The following MBOAT2 variants were observed in gnomAD, a reference collection of about 807,000 sequenced individuals.
MBOAT2 encodes membrane bound glycerophospholipid O-acyltransferase 2, also known as membrane-bound glycerophospholipid O-acyltransferase 2.
Under a neutral mutation model 63.4 loss-of-function variants are expected in MBOAT2, and 28 were observed. That is an observed-to-expected ratio of 0.44 (90% CI 0.33 to 0.61). The LOEUF (loss-of-function observed/expected upper bound fraction) is 0.61. MBOAT2 is among the 20% of genes least tolerant of loss of function. MBOAT2 has a pLI of 0.03. For missense variants in MBOAT2, 470 were observed against 605.8 expected, an observed-to-expected ratio of 0.78 and a Z score of 2.35; for synonymous variants, 211 against 215.6, an observed-to-expected ratio of 0.98 and a Z score of 0.19.
intron 4 of MBOAT2, among the ~76,000 whole-genome samples, chr2:8,891,472 A>G (rs1663995802): frequency 6.6e-6 from 1 of 152,212 alleles, no homozygotes; most frequent in African/African-American, 2.4e-5. Flanking sequence ...AAGCATTTAC[A>G]ACAAAAACAG....
intron 3 of MBOAT2, among the ~76,000 whole-genome samples, chr2:8,932,237 T>A (rs1315932085): frequency 6.6e-6 from 1 of 152,206 alleles, no homozygotes; most frequent in Non-Finnish European, 1.5e-5. Context: ...TTAAAGTCTA[T>A]GTTTATTAGT....
chr2:8,949,518 C>A (rs1347626267), intron 2 of MBOAT2, among the ~76,000 whole-genome samples: 1 of 151,532 alleles, frequency 6.6e-6, no homozygotes, highest in Non-Finnish European at 1.5e-5. Context: ...AATTTTTGTA[C>A]ATGGTGAAAG....
chr2:8,866,216 G>A (rs1432469667), intron 9 of MBOAT2, among the ~76,000 whole-genome samples: 1 of 151,922 alleles, frequency 6.6e-6, no homozygotes, highest in Non-Finnish European at 1.5e-5. Flanking sequence ...TCGCCCCCAG[G>A]AGATGAAAAT....
At chr2:8,917,830 C>T (rs752243346) in intron 3 of MBOAT2, among the ~76,000 whole-genome samples, 1 of 152,110 alleles carries the variant, frequency 6.6e-6, no homozygotes, top group Admixed American at 6.5e-5. Context: ...TTTTAAACAA[C>T]TCAAATGTCC....
intron 1 of MBOAT2, among the ~76,000 whole-genome samples, chr2:8,990,520 A>G (rs1671853570): frequency 6.6e-6 from 1 of 152,104 alleles, no homozygotes; most frequent in African/African-American, 2.4e-5. Flanking sequence ...TTTCCTACCC[A>G]ATGAAATATT....
At chr2:8,911,266 T>A (rs1381907537) in intron 3 of MBOAT2, among the ~76,000 whole-genome samples, 1 of 152,178 alleles carries the variant, frequency 6.6e-6, no homozygotes, top group Non-Finnish European at 1.5e-5. Flanking sequence ...CTGACTTAGA[T>A]GACAAGATCA....
At chr2:8,877,617 G>A (rs1420082569) in intron 6 of MBOAT2, among the ~76,000 whole-genome samples, 1 of 152,232 alleles carries the variant, frequency 6.6e-6, no homozygotes, top group Non-Finnish European at 1.5e-5. Context: ...CATCCACAGA[G>A]CTTGCATACT....
intron 9 of MBOAT2, among the ~76,000 whole-genome samples, chr2:8,865,854 T>C (rs2148513309): frequency 1.3e-5 from 2 of 152,212 alleles, no homozygotes; most frequent in East Asian, 3.9e-4. Context: ...CTGGCCAACA[T>C]GGTGAAAAGC....
At chr2:8,950,250 C>T (rs1445195585) in intron 2 of MBOAT2, among the ~76,000 whole-genome samples, 1 of 152,114 alleles carries the variant, frequency 6.6e-6, no homozygotes, top group Non-Finnish European at 1.5e-5. Context: ...AGTATAGAAT[C>T]ATATCATCAG....
chr2:8,948,213 C>A (rs1421764186), intron 2 of MBOAT2, among the ~76,000 whole-genome samples: 2 of 152,176 alleles, frequency 1.3e-5, no homozygotes, highest in Non-Finnish European at 2.9e-5. Context: ...ACTGCAATCT[C>A]ATGATAAAAC....
intron 1 of MBOAT2, among the ~76,000 whole-genome samples, chr2:8,971,135 G>A (rs182717522): frequency 2.6e-5 from 4 of 152,184 alleles, no homozygotes; most frequent in African/African-American, 7.2e-5. Flanking sequence ...CTGGCAAACC[G>A]AATCCAGCAG....
At chr2:8,947,164 A>G (rs1257287252) in intron 2 of MBOAT2, among the ~76,000 whole-genome samples, 3 of 152,268 alleles carry the variant, frequency 2.0e-5, no homozygotes, top group Non-Finnish European at 4.4e-5. Context: ...TCTGGACAGA[A>G]GCTCAAACCA....
intron 1 of MBOAT2, among the ~76,000 whole-genome samples, chr2:8,974,935 A>C (rs1670714004): frequency 6.6e-6 from 1 of 152,152 alleles, no homozygotes; most frequent in South Asian, 2.1e-4. Flanking sequence ...TTCCAAGCAT[A>C]ATGTAAGCAG....
chr2:8,987,701 T>C (rs1453319859), intron 1 of MBOAT2, among the ~76,000 whole-genome samples: 1 of 152,148 alleles, frequency 6.6e-6, no homozygotes, highest in Admixed American at 6.5e-5. Flanking sequence ...GCTGGACCTG[T>C]AGGTTCAAAC....
chr2:8,862,403 G>A lies in MBOAT2; in HGVS notation c.1185+187C>T. On this transcript the variant is annotated intron_variant, in intron 11 of 12. Coordinates refer to ENST00000305997, the MANE Select transcript of MBOAT2 (RefSeq NM_138799.4). This position sits in a 1 kb window ranked among gnomAD's most constrained non-coding sequence, Gnocchi z 4.3. ...ACGTGTTTTCTCCTCACAGGAACTG[G>A]GCATGGAGCCTAGCCCGTGGTGAGC... 1 of 1,369,020 alleles carries A rather than the reference G, an allele frequency of 7.3e-7. No individual in the cohort carries two copies. The highest frequency in any genetic ancestry group is 9.9e-7 in the Non-Finnish European group (1 of 1,013,536). 84.8% of individuals were successfully genotyped at this position (1,369,020 alleles called of 1,614,324 possible).
rs548113580 is a variant in MBOAT2 at position 8,859,706 on chromosome 2, A to G, written c.1338-802T>C. Among the ~76,000 whole-genome samples the G allele has an allele frequency of 1.4e-4, 22 of 152,360 alleles. No homozygotes were observed. In the East Asian group the frequency reaches 2.7e-3, roughly 19 times the overall value. ...AGTAATAAAGAATTTATAAAAGAATAAAGTTTTTGATCTCTAAAATATCAC... is the reference window on the plus strand; with the variant it reads ...AGTAATAAAGAATTTATAAAAGAATGAAGTTTTTGATCTCTAAAATATCAC... On this transcript the variant is annotated intron_variant, in intron 12 of 12. Coordinates refer to ENST00000305997, the MANE Select transcript of MBOAT2 (RefSeq NM_138799.4).
intron 1 of MBOAT2, among the ~76,000 whole-genome samples, chr2:8,958,867 C>T (rs1206983915): frequency 6.6e-6 from 1 of 152,160 alleles, no homozygotes; most frequent in Non-Finnish European, 1.5e-5. Flanking sequence ...TGGCAGGAGA[C>T]AGGTGTGGCC....
At chr2:8,930,414 CT>C (rs371409402) in intron 3 of MBOAT2, among the ~76,000 whole-genome samples, 3 of 151,922 alleles carry the variant, frequency 2.0e-5, no homozygotes, top group Non-Finnish European at 4.4e-5. Context: ...ATGAACTCAT[CT>C]TTTTTATGGC....
At chr2:8,940,053 T>C (rs996588129) in intron 3 of MBOAT2, among the ~76,000 whole-genome samples, 4 of 151,512 alleles carry the variant, frequency 2.6e-5, no homozygotes, top group Non-Finnish European at 5.9e-5. Context: ...ACGTCCTCAG[T>C]TACCTAACAA....
Sources: allele counts gnomAD v4.1 joint callset (sites outside exome capture counted in the v4.1 genomes callset), GRCh38; gene constraint gnomAD v4.1.1; non-coding constraint Gnocchi (gnomAD v3.1); transcripts MANE v1.5; gene names NCBI Gene and HGNC (gene_info 2026-07-23, HGNC 2026-07-21).